NAPB: variants seen among roughly 807,000 people sequenced by gnomAD.
The protein encoded by NAPB is NSF attachment protein beta, also known as beta-soluble NSF attachment protein.
A neutral mutation model predicts 44.7 loss-of-function variants in NAPB; 26 were observed. That is an observed-to-expected ratio of 0.58 (90% CI 0.43 to 0.81). The LOEUF (loss-of-function observed/expected upper bound fraction) is 0.81. NAPB is among the 30% of genes least tolerant of loss of function. The pLI is 0.00. For missense variants in NAPB, 315 were observed against 356.4 expected (o/e 0.88, Z 0.94); for synonymous variants, 120 against 116.8 (o/e 1.03, Z -0.18).
intron 1 of NAPB, among the ~76,000 whole-genome samples, chr20:23,403,989 C>T (rs1250583272): frequency 1.3e-5 from 2 of 152,082 alleles, no homozygotes; most frequent in African/African-American, 4.8e-5. Flanking sequence ...ATGCATTTTA[C>T]AACACCCTGA....
At chr20:23,406,218 C>A (rs1044960891) in intron 1 of NAPB, among the ~76,000 whole-genome samples, 4 of 152,096 alleles carry the variant, frequency 2.6e-5, no homozygotes, top group African/African-American at 9.7e-5. Flanking sequence ...TTATACATTA[C>A]CCAGGCTAAG....
At chr20:23,387,910 G>A (rs1163580112) in intron 7 of NAPB, among the ~76,000 whole-genome samples, 1 of 152,164 alleles carries the variant, frequency 6.6e-6, no homozygotes. Context: ...TTCTGAATGA[G>A]ATTAACGTTT....
chr20:23,396,960 A>T, intron 3 of NAPB, 112 bp downstream of exon 3: 1 of 1,144,212 alleles, frequency 8.7e-7, no homozygotes, highest in Non-Finnish European at 1.2e-6. Context: ...AAATACAAAA[A>T]TTCCTTTTTA....
At position 23,395,146 on chromosome 20, in the gene NAPB, G is replaced by A; in HGVS notation, c.335C>T (p.Thr112Ile). 6.2e-7 allele frequency: 1 copy of A among 1,614,208 alleles called. No homozygotes were observed. Residue 112 changes from threonine to isoleucine, a missense_variant, in exon 4 of 11, where the codon ACA (threonine) becomes ATA (isoleucine). Coordinates refer to ENST00000377026, the MANE Select transcript of NAPB (RefSeq NM_022080.3). The stretch of plus-strand genomic sequence containing the variant: ...AGCAATGCAATGTCTTACCATGTCT[G>A]TGTAAATGTCGATGGCTGCATTTAA... The part of the protein sequence containing the change: ...NCLNAAIDIY[T>I]DMGRFTIAAK...
At chr20:23,386,709 T>G (rs1371792903) in intron 7 of NAPB, among the ~76,000 whole-genome samples, 1 of 152,164 alleles carries the variant, frequency 6.6e-6, no homozygotes, top group Non-Finnish European at 1.5e-5. Context: ...TGGGGGGAAG[T>G]AAGTGCTGTT....
rs1306718213 is a variant in NAPB, at chr20:23,388,284, C to T, written c.561+1662G>A. Among the ~76,000 whole-genome samples the T allele has an allele frequency of 2.0e-5, 3 of 152,174 alleles. No individual in the cohort carries two copies. The South Asian group carries it at 6.2e-4, about 32-fold the overall frequency. Reference sequence around the variant, plus strand: ...ACACACACACAAACACACACACATACACCCCTACACCTCTTATTGGTTCTG... The same window carrying T: ...ACACACACACAAACACACACACATATACCCCTACACCTCTTATTGGTTCTG... On this transcript the variant is annotated intron_variant, in intron 7 of 10. Transcript: ENST00000377026.
At chr20:23,380,926 G>GC (rs1982950399) in intron 8 of NAPB, 3 of 284,716 alleles carry the variant, frequency 1.1e-5, no homozygotes, top group Non-Finnish European at 2.0e-5. Context: ...CCCAGGCAGT[G>GC]CCCCCCATTC....
At position 23,376,456 on chromosome 20, in the gene NAPB, A is replaced by G. The variant is rs2123114740; in HGVS notation, c.*920T>C. On this transcript the variant is annotated 3_prime_UTR_variant, in exon 11 of 11. Transcript: ENST00000377026. ...GGAAAATTACATACATTCATTCTCAAGCTTGACTTAGATAATCTATCCAGC... is the reference window on the plus strand; with the variant it reads ...GGAAAATTACATACATTCATTCTCAGGCTTGACTTAGATAATCTATCCAGC... The G allele has an allele frequency of 6.6e-6, 1 of 152,360 alleles. No individual in the cohort carries two copies. Among genetic ancestry groups the G allele is most frequent in the East Asian group, 1.9e-4 (1 of 5,186 alleles). The allele number at this position is 152,360 out of a possible 1,614,324, so 9.4% of individuals were successfully genotyped here.
chr20:23,413,970 T>C (rs1985834794), intron 1 of NAPB, among the ~76,000 whole-genome samples: 2 of 151,400 alleles, frequency 1.3e-5, no homozygotes, highest in Non-Finnish European at 2.9e-5. Flanking sequence ...TTCAAGCTGA[T>C]AAAGTAAAGC....
chr20:23,390,139 G>A, intron 6 of NAPB, 70 bp downstream of exon 6: 1 of 1,508,974 alleles, frequency 6.6e-7, no homozygotes. Context: ...CACTCACAAA[G>A]TATAAAGAAG....
At position 23,377,355 on chromosome 20, in the gene NAPB, T is replaced by C. The variant is rs1196606869; in HGVS notation, c.*21A>G. 1 of 1,511,546 alleles carries C rather than the reference T, an allele frequency of 6.6e-7. No homozygotes were observed. 93.6% of individuals were successfully genotyped at this position (1,511,546 alleles called of 1,614,324 possible). On this transcript the variant is annotated 3_prime_UTR_variant, in exon 11 of 11. Transcript: ENST00000377026. ...CAAAACTAAAGAGGAGTTAGCTGCA[T>C]GCCACAAAGACAAAAACATTTCATT...
At chr20:23,387,961 G>A (rs1237194543) in intron 7 of NAPB, among the ~76,000 whole-genome samples, 2 of 152,176 alleles carry the variant, frequency 1.3e-5, no homozygotes, top group Non-Finnish European at 2.9e-5. Flanking sequence ...TCCCCAATGT[G>A]GGTGGGCCTC....
intron 1 of NAPB, 23 bp from the exon 2 acceptor site, chr20:23,403,095 A>G (rs1337792006): frequency 1.9e-6 from 3 of 1,567,544 alleles, no homozygotes; most frequent in Non-Finnish European, 2.6e-6. Context: ...TAAAAATTAG[A>G]TTTTTAACAA....
intron 7 of NAPB, among the ~76,000 whole-genome samples, chr20:23,389,543 T>C (rs1372340151): frequency 6.6e-6 from 1 of 152,186 alleles, no homozygotes; most frequent in Non-Finnish European, 1.5e-5. Context: ...CCATGAGGTA[T>C]TAGCCACGAA....
At chr20:23,379,782 A>T in intron 9 of NAPB, 85 bp downstream of exon 9, 1 of 1,010,574 alleles carries the variant, frequency 9.9e-7, no homozygotes, top group Non-Finnish European at 1.5e-6. Context: ...TATAGATTAA[A>T]ACTTCACTTC....
Position 23,412,598 on chromosome 20 carries a change from T to C in NAPB, c.98+8707A>G, listed in dbSNP as rs147134397. 1.1e-3 allele frequency among the ~76,000 whole-genome samples: 165 copies of C among 152,318 alleles called. 1 individual carries two copies. Among genetic ancestry groups the C allele is most frequent in the African/African-American group, 3.9e-3 (162 of 41,570 alleles). On this transcript the variant is annotated intron_variant, in intron 1 of 10. Transcript: ENST00000377026. ...ACACTTATAAGAAAGCAGATATTAA[T>C]ATGCCCCCCAAAACAGATCAAGTGA...
intron 1 of NAPB, among the ~76,000 whole-genome samples, chr20:23,410,991 G>A (rs1449743055): frequency 1.3e-5 from 2 of 152,142 alleles, no homozygotes; most frequent in African/African-American, 4.8e-5. Context: ...GCATACCTAA[G>A]GGGAAAGCAG....
chr20:23,413,685 C>A (rs896431638), intron 1 of NAPB, among the ~76,000 whole-genome samples: 3 of 151,996 alleles, frequency 2.0e-5, no homozygotes, highest in Non-Finnish European at 2.9e-5. Flanking sequence ...TCAGAAAAGA[C>A]TACTATGCAC....
rs559679745 is a variant in NAPB at position 23,397,215 on chromosome 20, A to G, written c.179-27T>C. On this transcript the variant is annotated intron_variant, in intron 2 of 10. Coordinates refer to ENST00000377026, the MANE Select transcript of NAPB (RefSeq NM_022080.3). Reference sequence around the variant, plus strand: ...TGAAGAAGACACTACAATTAAACACAGAGGAACAAGTCCCCCCCAGAGCAG... The same window carrying G: ...TGAAGAAGACACTACAATTAAACACGGAGGAACAAGTCCCCCCCAGAGCAG... The G allele has an allele frequency of 8.1e-5, 130 of 1,597,392 alleles. 3 individuals are homozygous for G. In the South Asian group the frequency reaches 1.4e-3, roughly 17 times the overall value.
Sources: gnomAD v4.1 joint callset for allele counts (sites outside exome capture counted in the v4.1 genomes callset) on GRCh38, gnomAD v4.1.1 for gene constraint, MANE v1.5 for transcripts, NCBI Gene and HGNC (gene_info 2026-07-23, HGNC 2026-07-21) for gene names.